Variants in CHD6 observed in about 807,000 individuals in gnomAD.
CHD6 encodes the protein ATP-dependent chromatin remodeler CHD6.
A neutral mutation model predicts 276.9 loss-of-function variants in CHD6; 50 were observed. The observed-to-expected ratio is 0.18, with a 90% CI of 0.14 to 0.23. The LOEUF (loss-of-function observed/expected upper bound fraction) is 0.23, where lower values mean the gene tolerates loss of function less well. Among genes scored for constraint, CHD6 ranks in the 10% least tolerant of loss-of-function variants. The pLI is 1.00. For synonymous variants in CHD6, 1,173 were observed against 1,229.3 expected (o/e 0.95, Z 0.96); for missense variants, 2,564 against 3,365.8 (o/e 0.76, Z 5.89).
intron 36 of CHD6, among the ~76,000 whole-genome samples, chr20:41,410,436 A>G (rs1296194225): frequency 2.6e-5 from 4 of 152,162 alleles, no homozygotes; most frequent in African/African-American, 9.7e-5. Flanking sequence ...TCTGTTGCTT[A>G]TAAGCCTCCC....
chr20:41,440,223 G>C, intron 25 of CHD6, 94 bp from the exon 26 acceptor site: 3 of 1,137,706 alleles, frequency 2.6e-6, no homozygotes, highest in Non-Finnish European at 3.8e-6. Flanking sequence ...ATTTAGTAAA[G>C]AACAAAACAA....
intron 25 of CHD6, among the ~76,000 whole-genome samples, chr20:41,442,459 A>G (rs371520776): frequency 6.6e-6 from 1 of 152,176 alleles, no homozygotes; most frequent in South Asian, 2.1e-4. Flanking sequence ...CTCTTAAAAA[A>G]AATTCACAAA....
At position 41,483,457 on chromosome 20, in the gene CHD6, G is replaced by A; in HGVS notation, c.2320C>T (p.Gln774Ter). 6.2e-7 allele frequency: 1 copy of A among 1,613,728 alleles called. No individual in the cohort carries two copies. Among genetic ancestry groups the A allele is most frequent in the Non-Finnish European group, 8.5e-7 (1 of 1,179,838 alleles). ...KTHSPDAPDF[Q>*]LQAMIQAAGK... ...GCTGCCTGAATCATGGCCTGCAGCT[G>A]AAAGTCAGGGGCATCAGGGCTGTGG... The change falls in exon 16 of 37, where the codon CAG (glutamine) becomes TAG (stop). Residue 774 changes from glutamine (Q) to a stop codon, truncating the protein, a stop_gained. Transcript: ENST00000373233. LOFTEE classifies it high-confidence loss of function.
chr20:41,567,607 GA>G (rs1055764704), intron 1 of CHD6, among the ~76,000 whole-genome samples: 80 of 143,970 alleles, frequency 5.6e-4, no homozygotes, highest in Middle Eastern at 3.5e-3. Flanking sequence ...AGGTACTGAT[GA>G]AAAAAAAAAA....
At chr20:41,482,322 A>G (rs1033754082) in intron 16 of CHD6, among the ~76,000 whole-genome samples, 4 of 152,294 alleles carry the variant, frequency 2.6e-5, no homozygotes, top group Admixed American at 6.5e-5. Flanking sequence ...AATCCTTTAC[A>G]TAGAAATCTC....
At chr20:41,541,760 A>C (rs2044946978) in intron 2 of CHD6, among the ~76,000 whole-genome samples, 3 of 152,264 alleles carry the variant, frequency 2.0e-5, no homozygotes. Context: ...AAGAGTGGTC[A>C]ACAGATTTGG....
intron 16 of CHD6, among the ~76,000 whole-genome samples, chr20:41,474,552 G>A (rs187587347): frequency 6.6e-6 from 1 of 152,274 alleles, no homozygotes; most frequent in Admixed American, 6.5e-5. Context: ...AATAGGAAAC[G>A]TGTGAGAAAA....
chr20:41,612,321 T>C (rs940949195), intron 1 of CHD6, among the ~76,000 whole-genome samples: 1 of 152,248 alleles, frequency 6.6e-6, no homozygotes, highest in Non-Finnish European at 1.5e-5. Context: ...TGGTCATTAA[T>C]GACCTCTTTC....
intron 1 of CHD6, among the ~76,000 whole-genome samples, chr20:41,576,626 A>G (rs918881480): frequency 3.9e-5 from 6 of 152,198 alleles, no homozygotes; most frequent in African/African-American, 1.4e-4. Flanking sequence ...GTGAGCTGAG[A>G]TCGCACCACT....
chr20:41,511,136 C>T (rs927878375), intron 5 of CHD6, among the ~76,000 whole-genome samples: 1 of 152,264 alleles, frequency 6.6e-6, no homozygotes, highest in African/African-American at 2.4e-5. Flanking sequence ...AAAGAATAAG[C>T]GGAATTATAT....
chr20:41,522,771 G>A (rs1345635584), intron 3 of CHD6, among the ~76,000 whole-genome samples: 1 of 152,118 alleles, frequency 6.6e-6, no homozygotes, highest in Non-Finnish European at 1.5e-5. Context: ...TTCCACTGCA[G>A]AAGTGGATAC....
chr20:41,551,270 G>A (rs6129863), intron 2 of CHD6, 35 bp downstream of exon 2: 300,816 of 1,328,404 alleles, frequency 0.23, 48,198 homozygotes, highest in African/African-American at 0.64. Context: ...CAAGATACCC[G>A]GATGCATTCA....
In CHD6 at chr20:41,617,955, G is replaced by T. The variant is rs867769692; in HGVS notation, c.-24+385C>A. Among the ~76,000 whole-genome samples, 217 of 146,460 alleles carry T rather than the reference G, an allele frequency of 1.5e-3. 1 individual carries two copies. In the Middle Eastern group the frequency reaches 0.021, roughly 14 times the overall value. On this transcript the variant is annotated intron_variant, in intron 1 of 36. Coordinates refer to ENST00000373233, the MANE Select transcript of CHD6 (RefSeq NM_032221.5). ...TCCCACCGCGCCCGCCCCGGGGGGG[G>T]CCTCGGCACGCCCCGCCCCCGCCCG...
At chr20:41,523,444 A>T (rs935011243) in intron 3 of CHD6, among the ~76,000 whole-genome samples, 1 of 152,212 alleles carries the variant, frequency 6.6e-6, no homozygotes, top group Non-Finnish European at 1.5e-5. Flanking sequence ...ACAATCAAAC[A>T]TATCTCCACT....
intron 1 of CHD6, among the ~76,000 whole-genome samples, chr20:41,558,463 G>A (rs908787359): frequency 1.1e-4 from 17 of 152,188 alleles, no homozygotes; most frequent in African/African-American, 4.1e-4. Context: ...GTCACAGGAA[G>A]AAGACGTAAA....
At chr20:41,461,084 T>C (rs1030167554) in intron 17 of CHD6, among the ~76,000 whole-genome samples, 7 of 152,246 alleles carry the variant, frequency 4.6e-5, no homozygotes, top group African/African-American at 7.2e-5. Context: ...TGGACTTCCA[T>C]GGGCCCCCTT....
At chr20:41,533,017 G>A (rs757835087) in intron 3 of CHD6, 33 bp downstream of exon 3, 3 of 1,548,656 alleles carry the variant, frequency 1.9e-6, no homozygotes, top group Admixed American at 2.1e-5. Context: ...ACTGGCATAG[G>A]CAAGTGCTCA....
At chr20:41,456,775 C>A (rs2048389232) in intron 18 of CHD6, among the ~76,000 whole-genome samples, 1 of 152,158 alleles carries the variant, frequency 6.6e-6, no homozygotes, top group Non-Finnish European at 1.5e-5. Context: ...CTTATGCCCC[C>A]AAAGGGGGAA....
rs147939089 is a variant in CHD6, at chr20:41,527,708, C to T, written c.554+5342G>A. 2.8e-3 allele frequency among the ~76,000 whole-genome samples: 429 copies of T among 152,316 alleles called. 2 individuals carry two copies. The highest frequency in any genetic ancestry group is 9.5e-3 in the African/African-American group (397 of 41,582). On this transcript the variant is annotated intron_variant, in intron 3 of 36. Transcript: ENST00000373233. ...ATTAGATGCAAAAACTGTTGTTGAG[C>T]ACAGATCTACTGCATAACAGTTCTT...
Sources: allele counts gnomAD v4.1 joint callset (sites outside exome capture counted in the v4.1 genomes callset), GRCh38; gene constraint gnomAD v4.1.1; transcripts MANE v1.5; gene names NCBI Gene and HGNC (gene_info 2026-07-23, HGNC 2026-07-21).